The following SLC26A8 variants were observed in gnomAD, a reference collection of about 807,000 sequenced individuals.
SLC26A8 encodes the protein solute carrier family 26 member 8.
In SLC26A8, 70 loss-of-function variants were observed where a neutral mutation model predicts 105.0. That is an observed-to-expected ratio of 0.67 (90% CI 0.55 to 0.81). The LOEUF (loss-of-function observed/expected upper bound fraction) is 0.81. Ranked by LOEUF, SLC26A8 falls within the 40% of genes least tolerant of loss-of-function variation. The pLI, the probability that SLC26A8 is intolerant of heterozygous loss-of-function variation, is 0.00. For synonymous variants in SLC26A8, 415 were observed against 438.3 expected, an observed-to-expected ratio of 0.95 and a Z score of 0.66; for missense variants, 998 against 1,181.8, an observed-to-expected ratio of 0.84 and a Z score of 2.28.
chr6:35,971,121 G>A (rs1772781176), intron 10 of SLC26A8, among the ~76,000 whole-genome samples: 2 of 152,200 alleles, frequency 1.3e-5, no homozygotes, highest in South Asian at 4.1e-4. Flanking sequence ...TGCTCAGAGA[G>A]GGTTGGAGGC....
chr6:36,016,485 A>G (rs1761998727), intron 2 of SLC26A8, among the ~76,000 whole-genome samples: 1 of 152,260 alleles, frequency 6.6e-6, no homozygotes, highest in Non-Finnish European at 1.5e-5. Context: ...AGAAATGACA[A>G]ACATTTCTAT....
intron 7 of SLC26A8, among the ~76,000 whole-genome samples, chr6:35,987,609 G>A (rs1285366429): frequency 2.0e-5 from 3 of 152,144 alleles, no homozygotes; most frequent in Non-Finnish European, 1.5e-5. Context: ...CTGACCTCGT[G>A]ATCCACCTGT....
chr6:35,946,712 G>A (rs1322155534), intron 19 of SLC26A8, among the ~76,000 whole-genome samples: 2 of 151,278 alleles, frequency 1.3e-5, no homozygotes, highest in Non-Finnish European at 2.9e-5. Flanking sequence ...TTTTTTGACC[G>A]GGTCTTACTC....
chr6:35,955,416 T>G lies in SLC26A8; in HGVS notation c.1968A>C (p.Ala656=). Residue 656 remains alanine (A), a synonymous_variant, in exon 17 of 20, where the codon GCA becomes GCC. Coordinates refer to ENST00000490799, the MANE Select transcript of SLC26A8 (RefSeq NM_052961.4). ...HFESMNTSQT[A]SEDQVPYTVS... ...CTGTGTATGGCACTTGGTCTTCGGA[T>G]GCAGTTTGGCTTGTGTTCATGCTCT... 5 of 1,614,224 alleles carry G rather than the reference T, an allele frequency of 3.1e-6. No homozygotes were observed. Among genetic ancestry groups the G allele is most frequent in the Non-Finnish European group, 4.2e-6 (5 of 1,180,046 alleles).
chr6:35,950,790 G>T (rs188379464), intron 19 of SLC26A8, among the ~76,000 whole-genome samples: 66 of 152,170 alleles, frequency 4.3e-4, no homozygotes, highest in Admixed American at 9.8e-4. Context: ...GAATTCTAAA[G>T]GTATAGCTAG....
intron 4 of SLC26A8, among the ~76,000 whole-genome samples, chr6:35,998,657 A>T (rs749930133): frequency 6.6e-6 from 1 of 151,966 alleles, no homozygotes; most frequent in Non-Finnish European, 1.5e-5. Flanking sequence ...TATTTCAAAC[A>T]TTGTTTTGTT....
At chr6:36,021,427 C>T (rs555323486) in intron 1 of SLC26A8, among the ~76,000 whole-genome samples, 2 of 152,220 alleles carry the variant, frequency 1.3e-5, no homozygotes, top group Admixed American at 6.5e-5. Context: ...CTCTTTGTTC[C>T]CAGCAACCTA....
chr6:35,980,527 CTGT>C (rs1302714552), intron 8 of SLC26A8, among the ~76,000 whole-genome samples: 1 of 152,144 alleles, frequency 6.6e-6, no homozygotes, highest in Non-Finnish European at 1.5e-5. Flanking sequence ...GTCAATCCCA[CTGT>C]TGTTCTTGTT....
intron 7 of SLC26A8, among the ~76,000 whole-genome samples, chr6:35,984,450 G>A (rs892787975): frequency 6.6e-6 from 1 of 151,210 alleles, no homozygotes; most frequent in African/African-American, 2.4e-5. Flanking sequence ...CACCTCCTGA[G>A]TAGCTAGGAC....
intron 1 of SLC26A8, among the ~76,000 whole-genome samples, chr6:36,023,532 G>A (rs367810326): frequency 1.6e-5 from 2 of 126,422 alleles, no homozygotes; most frequent in African/African-American, 6.2e-5. Flanking sequence ...GGGCGACAGA[G>A]CAAGACTCTG....
intron 5 of SLC26A8, among the ~76,000 whole-genome samples, chr6:35,994,774 G>A (rs550882385): frequency 1.8e-4 from 27 of 152,024 alleles, no homozygotes; most frequent in Middle Eastern, 6.8e-3. Flanking sequence ...ACAGGGTTTC[G>A]CCAAGTTGGC....
chr6:35,958,225 T>C (rs1772165955), intron 16 of SLC26A8, among the ~76,000 whole-genome samples: 1 of 152,110 alleles, frequency 6.6e-6, no homozygotes, highest in Admixed American at 6.6e-5. Context: ...TCTAGCTGGG[T>C]GTGGTGGCTC....
At chr6:35,988,602 T>C (rs1773625102) in intron 7 of SLC26A8, among the ~76,000 whole-genome samples, 1 of 151,732 alleles carries the variant, frequency 6.6e-6, no homozygotes, top group Non-Finnish European at 1.5e-5. Context: ...GCCACTGCAC[T>C]CCAGACTGGG....
At chr6:35,957,383 A>C (rs1360392414) in intron 16 of SLC26A8, among the ~76,000 whole-genome samples, 1 of 152,032 alleles carries the variant, frequency 6.6e-6, no homozygotes, top group African/African-American at 2.4e-5. Flanking sequence ...AAATTTTAAA[A>C]ATTTAAAGCT....
intron 3 of SLC26A8, among the ~76,000 whole-genome samples, chr6:36,001,295 A>G (rs540549163): frequency 2.6e-5 from 4 of 151,892 alleles, no homozygotes; most frequent in Non-Finnish European, 5.9e-5. Context: ...TGCCCGGCTA[A>G]TTTTTTATAT....
chr6:36,021,344 C>T lies in SLC26A8; in HGVS notation c.-2-1635G>A, dbSNP rs140510768. On this transcript the variant is annotated intron_variant, in intron 1 of 19. Transcript: ENST00000490799. ...GGAATCCCCCCCCACCTTTCTTTCC[C>T]CACCCATAGGAATACAGACCCAATC... Among the ~76,000 whole-genome samples the T allele has an allele frequency of 6.5e-4, 98 of 151,926 alleles. 1 individual carries two copies. The East Asian group carries it at 0.016, about 24-fold the overall frequency.
intron 10 of SLC26A8, among the ~76,000 whole-genome samples, chr6:35,971,459 C>T (rs762079655): frequency 2.6e-5 from 4 of 152,206 alleles, no homozygotes; most frequent in Non-Finnish European, 4.4e-5. Context: ...GCATCAATTG[C>T]TCCATGTACA....
chr6:35,954,003 C>G (rs948981719), intron 17 of SLC26A8, among the ~76,000 whole-genome samples: 1 of 152,102 alleles, frequency 6.6e-6, no homozygotes, highest in Admixed American at 6.6e-5. Flanking sequence ...GTGCAAATCT[C>G]AAAAGAAGCA....
Position 36,012,381 on chromosome 6 carries a change from G to C in SLC26A8, c.189-9C>G, listed in dbSNP as rs1761885892. On this transcript the variant is annotated splice_polypyrimidine_tract_variant and intron_variant, in intron 2 of 19. Transcript: ENST00000490799. Reference sequence around the variant, plus strand: ...ACCTGTGCCATGAGCAGCTGTGAGAGAGAGGAGCAGAGACTTGGTTAGTTT... The same window carrying C: ...ACCTGTGCCATGAGCAGCTGTGAGACAGAGGAGCAGAGACTTGGTTAGTTT... The C allele has an allele frequency of 6.4e-7, 1 of 1,557,976 alleles. No individual in the cohort carries two copies.
Sources: allele counts gnomAD v4.1 joint callset (sites outside exome capture counted in the v4.1 genomes callset), GRCh38; gene constraint gnomAD v4.1.1; transcripts MANE v1.5; gene names NCBI Gene and HGNC (gene_info 2026-07-23, HGNC 2026-07-21).